Variants in RHOT1 observed in about 807,000 individuals in gnomAD.
RHOT1 encodes the protein mitochondrial Rho GTPase 1.
A neutral mutation model predicts 95.3 loss-of-function variants in RHOT1; 27 were observed. The observed-to-expected ratio is 0.28, with a 90% CI of 0.21 to 0.39. RHOT1 has a LOEUF of 0.39. RHOT1 is among the 10% of genes least tolerant of loss of function. The pLI is 1.00. For missense variants in RHOT1, 578 were observed against 786.7 expected (o/e 0.73, Z 3.17); for synonymous variants, 227 against 263.5 (o/e 0.86, Z 1.34).
At chr17:32,142,762 C>T (rs1259588595) in intron 1 of RHOT1, 33 bp downstream of exon 1, 2 of 1,476,786 alleles carry the variant, frequency 1.4e-6, no homozygotes, top group Non-Finnish European at 1.8e-6. Context: ...GCCCCTGAGT[C>T]CCTGCCCTCC....
intron 1 of RHOT1, among the ~76,000 whole-genome samples, chr17:32,146,207 A>T (rs533887224): frequency 3.3e-5 from 5 of 152,202 alleles, no homozygotes; most frequent in African/African-American, 1.2e-4. Flanking sequence ...ATATTTGTAC[A>T]TTTTTTGTCC....
chr17:32,147,102 T>C (rs1295530244), intron 1 of RHOT1, among the ~76,000 whole-genome samples: 1 of 151,428 alleles, frequency 6.6e-6, no homozygotes, highest in Non-Finnish European at 1.5e-5. Flanking sequence ...TGCAGTGCAG[T>C]GGCACAATCT....
At chr17:32,219,833 A>G (rs545296844) in intron 19 of RHOT1, among the ~76,000 whole-genome samples, 1 of 152,340 alleles carries the variant, frequency 6.6e-6, no homozygotes, top group African/African-American at 2.4e-5. Flanking sequence ...TATATTCAAC[A>G]TTTAGTCATT....
At chr17:32,186,494 G>A (rs2036063867) in intron 8 of RHOT1, among the ~76,000 whole-genome samples, 2 of 151,684 alleles carry the variant, frequency 1.3e-5, no homozygotes, top group South Asian at 4.2e-4. Flanking sequence ...CTCCCGGGTA[G>A]CTGGAACTAC....
At chr17:32,171,355 G>A (rs899211845) in intron 2 of RHOT1, among the ~76,000 whole-genome samples, 1 of 152,092 alleles carries the variant, frequency 6.6e-6, no homozygotes, top group East Asian at 1.9e-4. Flanking sequence ...CAAAGTGCTG[G>A]GATTACAGGC....
At chr17:32,143,062 C>G in intron 1 of RHOT1, 1 of 655,472 alleles carries the variant, frequency 1.5e-6, no homozygotes, top group East Asian at 3.1e-5. Flanking sequence ...TTTTCCTCTT[C>G]GAACCCTGTC....
chr17:32,193,009 C>T (rs1400659678), intron 9 of RHOT1, 127 bp from the exon 10 acceptor site: 5 of 624,822 alleles, frequency 8.0e-6, no homozygotes, highest in Middle Eastern at 4.3e-4. Context: ...GTGACTATTC[C>T]TAATGTAGAA....
intron 16 of RHOT1, 96 bp downstream of exon 16, chr17:32,204,069 G>A: frequency 1.3e-6 from 1 of 792,076 alleles, no homozygotes; most frequent in South Asian, 1.6e-5. Flanking sequence ...ATGACTCTCT[G>A]TAGAACTTCT....
chr17:32,176,045 G>C, intron 5 of RHOT1, 30 bp downstream of exon 5: 4 of 1,591,936 alleles, frequency 2.5e-6, no homozygotes, highest in Non-Finnish European at 3.4e-6. Context: ...CCCTATAGTT[G>C]GTTTCAGTGG....
intron 1 of RHOT1, chr17:32,143,001 C>T (rs1242213173): frequency 2.9e-6 from 2 of 694,560 alleles, no homozygotes; most frequent in South Asian, 1.5e-5. Context: ...CAAGCCATGT[C>T]CCTATTAGCC....
intron 11 of RHOT1, among the ~76,000 whole-genome samples, chr17:32,195,438 T>C (rs1297016813): frequency 6.6e-6 from 1 of 152,098 alleles, no homozygotes; most frequent in African/African-American, 2.4e-5. Flanking sequence ...GATAATGCTG[T>C]GTTTAAGTTC....
chr17:32,199,647 A>G, intron 13 of RHOT1, 97 bp downstream of exon 13: 7 of 1,019,986 alleles, frequency 6.9e-6, no homozygotes, highest in Non-Finnish European at 9.7e-6. Context: ...AGGCATTATG[A>G]AATTCTTCAA....
chr17:32,157,473 T>C (rs1358188282), intron 1 of RHOT1, among the ~76,000 whole-genome samples: 1 of 152,166 alleles, frequency 6.6e-6, no homozygotes, highest in Non-Finnish European at 1.5e-5. Flanking sequence ...ACTGGTGATA[T>C]GTTGGAAGGT....
At chr17:32,224,355 A>C (rs112038928) in intron 19 of RHOT1, among the ~76,000 whole-genome samples, 1,708 of 152,280 alleles carry the variant, frequency 0.011, 34 homozygotes, top group African/African-American at 0.039. Flanking sequence ...CCTGTGTGAA[A>C]AAAAGTTTAC....
chr17:32,159,993 T>C (rs957027594), intron 1 of RHOT1: 1 of 152,270 alleles, frequency 6.6e-6, no homozygotes, highest in Non-Finnish European at 1.5e-5. Context: ...GGCACACTCT[T>C]CTTCCCCTCT....
Position 32,175,358 on chromosome 17 carries a change from C to G in RHOT1, c.218C>G (p.Ser73Cys), listed in dbSNP as rs368494316. The change falls in exon 4 of 20, where the codon TCT becomes TGT. Residue 73 changes from serine (S) to cysteine (C), a missense_variant. By Grantham distance (112) the Ser-to-Cys change is moderately radical (BLOSUM62 -1). Coordinates refer to ENST00000545287, the MANE Select transcript of RHOT1 (RefSeq NM_001033566.3). ...GATGAACAACTTCATCAAGAAATAT[C>G]TCAGGTGAGCTTTAAAAAACAGAGG... ...QSDEQLHQEI[S>C]QANVICIVYA... 1.2e-6 allele frequency: 2 copies of G among 1,612,824 alleles called. No homozygotes were observed. The highest frequency in any genetic ancestry group is 1.7e-6 in the Non-Finnish European group (2 of 1,178,842).
chr17:32,193,071 A>G, intron 9 of RHOT1, 65 bp from the exon 10 acceptor site: 1 of 946,904 alleles, frequency 1.1e-6, no homozygotes. Context: ...GTAGATTATC[A>G]TTTTATATTA....
rs549205517 is a variant in RHOT1 at position 32,218,507 on chromosome 17, A to G, written c.1863-6109A>G. Among the ~76,000 whole-genome samples the G allele has an allele frequency of 9.4e-3, 1,104 of 117,570 alleles. 7 individuals are homozygous for G. The highest frequency in any genetic ancestry group is 0.018 in the Middle Eastern group (4 of 226). The allele number at this position is 117,570 out of a possible 152,430, so 77.1% of individuals were successfully genotyped here. ...GGGTGACACAATGAGATCCTGTCTG[A>G]AAAAAAAAAAAAAAACAGAGCTGGG... On this transcript the variant is annotated intron_variant, in intron 19 of 19. Coordinates refer to ENST00000545287, the MANE Select transcript of RHOT1 (RefSeq NM_001033566.3).
chr17:32,193,915 C>T, intron 10 of RHOT1, 72 bp from the exon 11 acceptor site: 1 of 1,551,522 alleles, frequency 6.4e-7, no homozygotes. Context: ...GAATCTGGTT[C>T]TTGCCATTAT....
Sources: allele counts gnomAD v4.1 joint callset (sites outside exome capture counted in the v4.1 genomes callset), GRCh38; gene constraint gnomAD v4.1.1; transcripts MANE v1.5; gene names NCBI Gene and HGNC (gene_info 2026-07-23, HGNC 2026-07-21).